CTIF: variants seen among roughly 807,000 people sequenced by gnomAD.
CTIF encodes CBP80/20-dependent translation initiation factor.
A neutral mutation model predicts 66.0 loss-of-function variants in CTIF; 21 were observed. The observed-to-expected ratio is 0.32, with a 90% CI of 0.23 to 0.46. CTIF has a LOEUF of 0.46. Ranked by LOEUF, CTIF falls within the 20% of genes least tolerant of loss-of-function variation. The pLI, the probability that CTIF is intolerant of heterozygous loss-of-function variation, is 1.00. For synonymous variants in CTIF, 345 were observed against 326.4 expected (o/e 1.06, Z -0.62); for missense variants, 739 against 812.7 (o/e 0.91, Z 1.10).
At chr18:48,709,480 G>A (rs2092199324) in intron 6 of CTIF, among the ~76,000 whole-genome samples, 1 of 152,256 alleles carries the variant, frequency 6.6e-6, no homozygotes, top group African/African-American at 2.4e-5. Context: ...CCACACCGAG[G>A]AGGCTGGCAC....
intron 8 of CTIF, among the ~76,000 whole-genome samples, chr18:48,758,814 T>A (rs2145869536): frequency 6.6e-6 from 1 of 152,268 alleles, no homozygotes; most frequent in South Asian, 2.1e-4. Flanking sequence ...GAACTGAAGC[T>A]TTTCTACAGG....
chr18:48,632,794 C>CA (rs998448914), intron 2 of CTIF, among the ~76,000 whole-genome samples: 4 of 152,150 alleles, frequency 2.6e-5, no homozygotes, highest in African/African-American at 9.7e-5. Flanking sequence ...GTGCCGTCCC[C>CA]ACCCCCCTCT....
rs559003546 is a variant in CTIF at position 48,842,490 on chromosome 18, G to A, written c.1528-15098G>A. On this transcript the variant is annotated intron_variant, in intron 10 of 11. Coordinates refer to ENST00000256413, the MANE Select transcript of CTIF (RefSeq NM_014772.3). ...GCCGAGCGCCCATTCCTGTTAGCGC[G>A]GAAGGGAGAGCCCTGGCCTCACAGT... 4.5e-4 allele frequency among the ~76,000 whole-genome samples: 69 copies of A among 152,294 alleles called. 1 individual carries two copies. In the South Asian group the frequency reaches 0.014, roughly 30 times the overall value.
chr18:48,640,183 C>G (rs2090900902), intron 3 of CTIF, among the ~76,000 whole-genome samples: 3 of 152,164 alleles, frequency 2.0e-5, no homozygotes, highest in African/African-American at 7.2e-5. Context: ...GACCAGCTCT[C>G]GGGGACACCA....
chr18:48,592,516 A>AG (rs1568056231), intron 1 of CTIF, among the ~76,000 whole-genome samples: 2 of 151,204 alleles, frequency 1.3e-5, no homozygotes, highest in African/African-American at 4.9e-5. Flanking sequence ...AAAAAAAAGA[A>AG]AAAGAAAAAG....
At chr18:48,670,502 A>C (rs987549695) in intron 5 of CTIF, 167 bp from the exon 6 acceptor site, 5 of 584,334 alleles carry the variant, frequency 8.6e-6, no homozygotes, top group African/African-American at 5.6e-5. Flanking sequence ...CCCCACACAC[A>C]CACAGCTTCT....
chr18:48,854,551 C>A (rs1334119354), intron 10 of CTIF, among the ~76,000 whole-genome samples: 1 of 152,176 alleles, frequency 6.6e-6, no homozygotes, highest in African/African-American at 2.4e-5. Context: ...CTGCCCTAGG[C>A]CACACTGCCA....
chr18:48,648,016 G>C (rs2091081443), intron 3 of CTIF, among the ~76,000 whole-genome samples: 1 of 152,184 alleles, frequency 6.6e-6, no homozygotes. Context: ...GCAGGAGCTG[G>C]GGACAGTTGA....
At chr18:48,638,210 C>T (rs1369371970) in intron 3 of CTIF, among the ~76,000 whole-genome samples, 1 of 152,164 alleles carries the variant, frequency 6.6e-6, no homozygotes, top group Non-Finnish European at 1.5e-5. Flanking sequence ...CCTCACTCTT[C>T]AGCAGCAATG....
At chr18:48,670,051 T>A (rs1321571277) in intron 5 of CTIF, among the ~76,000 whole-genome samples, 1 of 151,670 alleles carries the variant, frequency 6.6e-6, no homozygotes, top group Non-Finnish European at 1.5e-5. Flanking sequence ...CCCCAGTTGG[T>A]AAGGGATGCA....
intron 9 of CTIF, among the ~76,000 whole-genome samples, chr18:48,808,769 A>G (rs72913755): frequency 0.075 from 11,480 of 152,276 alleles, 624 homozygotes; most frequent in South Asian, 0.12. Context: ...TCAGCTCTAC[A>G]GCCTCTTAAT....
chr18:48,712,612 TAGATAA>T (rs1259143774), intron 7 of CTIF, among the ~76,000 whole-genome samples: 2 of 152,338 alleles, frequency 1.3e-5, no homozygotes, highest in Non-Finnish European at 1.5e-5. Flanking sequence ...AATATATTCT[TAGATAA>T]AGATGACGGC....
intron 9 of CTIF, among the ~76,000 whole-genome samples, chr18:48,801,198 A>C (rs1390487156): frequency 2.0e-5 from 3 of 152,204 alleles, no homozygotes; most frequent in Non-Finnish European, 4.4e-5. Context: ...GCCCATTCAG[A>C]CAGAGCCCGG....
chr18:48,581,415 C>A (rs984589316), intron 1 of CTIF, among the ~76,000 whole-genome samples: 1 of 152,084 alleles, frequency 6.6e-6, no homozygotes, highest in Non-Finnish European at 1.5e-5. Flanking sequence ...GTTCCAAGAG[C>A]TTTTTTCCCA....
In CTIF at chr18:48,758,399, G is replaced by A; in HGVS notation, c.1065G>A (p.Lys355=). The A allele has an allele frequency of 6.3e-7, 1 of 1,581,994 alleles. No individual in the cohort carries two copies. The highest frequency in any genetic ancestry group is 2.2e-5 in the East Asian group (1 of 44,544). ...AAGACAGACTGCGGCGAAGGCTAAA[G>A]GAAAAGGTACCGGTAATTGAATTTT... ...SSKDRLRRRL[K]EKDEVAVETT... is the part of the protein sequence containing the mutation. Residue 355 remains lysine (K), a synonymous_variant, in exon 8 of 12, where the codon AAG becomes AAA. Transcript: ENST00000256413.
intron 7 of CTIF, among the ~76,000 whole-genome samples, chr18:48,722,293 A>T (rs1159516480): frequency 1.3e-5 from 2 of 148,648 alleles, no homozygotes; most frequent in African/African-American, 5.0e-5. Flanking sequence ...ATAGCTCACG[A>T]CAGCCTCGAC....
intron 1 of CTIF, among the ~76,000 whole-genome samples, chr18:48,615,382 C>A (rs184962725): frequency 1.3e-5 from 2 of 152,194 alleles, no homozygotes; most frequent in South Asian, 4.1e-4. Context: ...TTTGCATGTT[C>A]CCCGCTTTTC....
Position 48,859,457 on chromosome 18 carries a change from G to A in CTIF, c.1695G>A (p.Ser565=), listed in dbSNP as rs774450377. 2.2e-5 allele frequency: 35 copies of A among 1,614,060 alleles called. No homozygotes were observed. The Admixed American group carries it at 3.5e-4, about 16-fold the overall frequency. ...LCPSESMLTR[S]LLLEVIELHA... ...CCTCGGAGTCCATGCTGACCCGGTC[G>A]CTGCTCCTAGAGGTCATCGAGCTCC... The change falls in exon 12 of 12, where the codon TCG becomes TCA. Residue 565 remains serine, a synonymous_variant. Coordinates refer to ENST00000256413, the MANE Select transcript of CTIF (RefSeq NM_014772.3).
chr18:48,818,671 G>A (rs1227553440), intron 10 of CTIF, among the ~76,000 whole-genome samples: 1 of 151,864 alleles, frequency 6.6e-6, no homozygotes, highest in African/African-American at 2.4e-5. Flanking sequence ...GAGGAAGGGG[G>A]CGTGTAAGAA....
Sources: gnomAD v4.1 joint callset for allele counts (sites outside exome capture counted in the v4.1 genomes callset) on GRCh38, gnomAD v4.1.1 for gene constraint, MANE v1.5 for transcripts, NCBI Gene and HGNC (gene_info 2026-07-23, HGNC 2026-07-21) for gene names.